PARD3: variants seen among roughly 807,000 people sequenced by gnomAD.
PARD3 encodes the protein partitioning defective 3 homolog.
Under a neutral mutation model 155.4 loss-of-function variants are expected in PARD3, and 75 were observed. The ratio of observed to expected loss-of-function variants is 0.48; its 90% CI spans 0.40 to 0.58. The LOEUF (loss-of-function observed/expected upper bound fraction) is 0.58, where lower values mean the gene tolerates loss of function less well. Ranked by LOEUF, PARD3 falls within the 20% of genes least tolerant of loss-of-function variation. PARD3 has a pLI of 0.00. For synonymous variants in PARD3, 576 were observed against 610.5 expected (o/e 0.94, Z 0.83); for missense variants, 1,642 against 1,721.7 (o/e 0.95, Z 0.82).
intron 5 of PARD3, among the ~76,000 whole-genome samples, chr10:34,402,294 T>C (rs771516079): frequency 1.3e-5 from 2 of 152,204 alleles, no homozygotes; most frequent in African/African-American, 4.8e-5. Context: ...TAAACAAATA[T>C]ACATGACATT....
At chr10:34,236,551 T>C (rs1435423720) in intron 22 of PARD3, among the ~76,000 whole-genome samples, 1 of 152,214 alleles carries the variant, frequency 6.6e-6, no homozygotes, top group East Asian at 1.9e-4. Context: ...AAACCTTTTG[T>C]TGCGCTACTG....
At chr10:34,633,950 A>C (rs988543348) in intron 2 of PARD3, among the ~76,000 whole-genome samples, 1 of 152,186 alleles carries the variant, frequency 6.6e-6, no homozygotes, top group Non-Finnish European at 1.5e-5. Context: ...GTAGAAGGCC[A>C]TTAGCGTCCA....
chr10:34,150,398 A>T (rs1344697526), intron 22 of PARD3, among the ~76,000 whole-genome samples: 1 of 152,262 alleles, frequency 6.6e-6, no homozygotes, highest in Non-Finnish European at 1.5e-5. Context: ...CAGTGATAGA[A>T]TATGGAGAAG....
At chr10:34,226,614 A>T (rs1200408124) in intron 22 of PARD3, among the ~76,000 whole-genome samples, 1 of 152,240 alleles carries the variant, frequency 6.6e-6, no homozygotes, top group Non-Finnish European at 1.5e-5. Flanking sequence ...ACTCTCAAAC[A>T]TTGCTGGTGG....
At chr10:34,413,164 C>T (rs543713037) in intron 5 of PARD3, among the ~76,000 whole-genome samples, 3 of 151,790 alleles carry the variant, frequency 2.0e-5, no homozygotes, top group Admixed American at 6.6e-5. Flanking sequence ...CACACACACA[C>T]ACACACACAC....
chr10:34,291,913 C>T (rs1181728969), intron 20 of PARD3, among the ~76,000 whole-genome samples: 3 of 152,144 alleles, frequency 2.0e-5, no homozygotes. Context: ...TCTTGCATTG[C>T]CGGTGGAAAT....
intron 22 of PARD3, among the ~76,000 whole-genome samples, chr10:34,213,714 GATAAA>G (rs1564487913): frequency 6.6e-6 from 1 of 152,148 alleles, no homozygotes. Context: ...TGATACCAGG[GATAAA>G]GGCAAGGTAA....
At chr10:34,312,858 C>T (rs1372118933) in intron 20 of PARD3, among the ~76,000 whole-genome samples, 2 of 152,156 alleles carry the variant, frequency 1.3e-5, no homozygotes. Flanking sequence ...CAAACGATAA[C>T]AGTTCCAATT....
intron 20 of PARD3, chr10:34,312,205 TAC>T (rs1957736517): frequency 6.9e-7 from 1 of 1,455,522 alleles, no homozygotes; most frequent in South Asian, 1.4e-5. Context: ...ATAAGGAAAT[TAC>T]TAAACCATCA....
chr10:34,229,577 T>C (rs765647826), intron 22 of PARD3, among the ~76,000 whole-genome samples: 10 of 151,944 alleles, frequency 6.6e-5, no homozygotes, highest in Admixed American at 6.6e-4. Context: ...ATTCCACAAC[T>C]GTTATGCCTA....
At chr10:34,799,962 T>G (rs992904092) in intron 1 of PARD3, among the ~76,000 whole-genome samples, 2 of 151,976 alleles carry the variant, frequency 1.3e-5, no homozygotes, top group Non-Finnish European at 2.9e-5. Flanking sequence ...ACTCCATCTC[T>G]ACAAACATAA....
At chr10:34,569,778 A>T (rs2086241530) in intron 2 of PARD3, among the ~76,000 whole-genome samples, 3 of 152,104 alleles carry the variant, frequency 2.0e-5, no homozygotes, top group Admixed American at 2.0e-4. Context: ...AGGATATCAA[A>T]ACTTATTTTT....
chr10:34,665,456 G>A (rs2093427502), intron 2 of PARD3, among the ~76,000 whole-genome samples: 1 of 152,082 alleles, frequency 6.6e-6, no homozygotes, highest in African/African-American at 2.4e-5. Flanking sequence ...GGAGGTAGAG[G>A]TTGCAGTGAG....
At chr10:34,763,599 A>G (rs959256368) in intron 1 of PARD3, among the ~76,000 whole-genome samples, 2 of 152,204 alleles carry the variant, frequency 1.3e-5, no homozygotes, top group African/African-American at 4.8e-5. Context: ...TAAGGTAAGG[A>G]TAAATGTCAC....
chr10:34,568,319 G>A (rs903248346), intron 2 of PARD3, among the ~76,000 whole-genome samples: 2 of 152,250 alleles, frequency 1.3e-5, no homozygotes, highest in South Asian at 2.1e-4. Context: ...CAAGTCATAC[G>A]GTGATGTTTC....
chr10:34,806,511 A>G (rs1843407720), intron 1 of PARD3, among the ~76,000 whole-genome samples: 1 of 151,734 alleles, frequency 6.6e-6, no homozygotes, highest in Non-Finnish European at 1.5e-5. Flanking sequence ...ATTTTTTTAA[A>G]AAGAGACGGG....
intron 3 of PARD3, among the ~76,000 whole-genome samples, chr10:34,506,702 T>A (rs991999712): frequency 3.3e-5 from 5 of 152,324 alleles, no homozygotes; most frequent in Middle Eastern, 3.4e-3. Flanking sequence ...TCTCTAGGTA[T>A]GGAAAATATA....
intron 22 of PARD3, among the ~76,000 whole-genome samples, chr10:34,239,184 A>G (rs1953424079): frequency 6.6e-6 from 1 of 152,252 alleles, no homozygotes; most frequent in African/African-American, 2.4e-5. Flanking sequence ...CTGGTGAATT[A>G]CTAAGCTCTG....
At chr10:34,283,962 T>C (rs1324880251) in intron 21 of PARD3, among the ~76,000 whole-genome samples, 173 bp downstream of exon 21, 1 of 151,796 alleles carries the variant, frequency 6.6e-6, no homozygotes, top group Non-Finnish European at 1.5e-5. Flanking sequence ...AAGGTTTTTT[T>C]TTTTAAATCT....
Sources: allele counts gnomAD v4.1 joint callset (sites outside exome capture counted in the v4.1 genomes callset), GRCh38; gene constraint gnomAD v4.1.1; transcripts MANE v1.5; gene names NCBI Gene and HGNC (gene_info 2026-07-23, HGNC 2026-07-21).